STAU1: variants seen among roughly 807,000 people sequenced by gnomAD.
STAU1 encodes double-stranded RNA-binding protein Staufen homolog 1.
In STAU1, 13 loss-of-function variants were observed where a neutral mutation model predicts 62.9. The ratio of observed to expected loss-of-function variants is 0.21; its 90% CI spans 0.13 to 0.33. The LOEUF (loss-of-function observed/expected upper bound fraction) is 0.33. Among genes scored for constraint, STAU1 ranks in the 10% least tolerant of loss-of-function variants. The probability of loss-of-function intolerance (pLI) is 1.00; values close to 1 mark genes in which losing one functional copy is unlikely to be tolerated. For synonymous variants in STAU1, 269 were observed against 265.1 expected, an observed-to-expected ratio of 1.01 and a Z score of -0.14; for missense variants, 571 against 712.1, an observed-to-expected ratio of 0.80 and a Z score of 2.25.
Position 49,117,123 on chromosome 20 carries a change from T to C in STAU1, c.1632+3A>G, listed in dbSNP as rs773201601. 6.2e-7 allele frequency: 1 copy of C among 1,614,080 alleles called. No homozygotes were observed. Among genetic ancestry groups the C allele is most frequent in the South Asian group, 1.1e-5 (1 of 91,068 alleles). Reference sequence around the variant, plus strand: ...CCAATCCCTCACCCAAGGTGTGACGTACCATATCATGGCAGGACTCCACAT... The same window carrying C: ...CCAATCCCTCACCCAAGGTGTGACGCACCATATCATGGCAGGACTCCACAT... On this transcript the variant is annotated splice_donor_region_variant and intron_variant, in intron 12 of 13. Coordinates refer to ENST00000371856, the MANE Select transcript of STAU1 (RefSeq NM_017453.4). This position sits in a 1 kb window ranked among gnomAD's most constrained non-coding sequence, Gnocchi z 4.6.
At chr20:49,126,574 C>CAAAAAAAAAAAA (rs58056780) in intron 6 of STAU1, among the ~76,000 whole-genome samples, 31 of 24,834 alleles carry the variant, frequency 1.2e-3, no homozygotes, top group African/African-American at 1.6e-3. Context: ...TCTCAAAAAG[C>CAAAAAAAAAAAA]AAAAAAAAAA....
intron 1 of STAU1, among the ~76,000 whole-genome samples, chr20:49,183,193 T>A (rs1276371286): frequency 6.6e-6 from 1 of 152,136 alleles, no homozygotes; most frequent in Non-Finnish European, 1.5e-5. Context: ...CTGTTATAGG[T>A]CTAGTGTGAA....
At chr20:49,130,837 C>G (rs2092733067) in intron 6 of STAU1, among the ~76,000 whole-genome samples, 1 of 151,962 alleles carries the variant, frequency 6.6e-6, no homozygotes, top group Non-Finnish European at 1.5e-5. Flanking sequence ...ACTTGGGAGG[C>G]TGAGGCAGGA....
intron 5 of STAU1, among the ~76,000 whole-genome samples, chr20:49,138,078 T>G (rs969107639): frequency 6.6e-6 from 1 of 152,130 alleles, no homozygotes; most frequent in African/African-American, 2.4e-5. Context: ...TATGCCCAGT[T>G]TGAGACCAGC....
intron 1 of STAU1, among the ~76,000 whole-genome samples, chr20:49,174,478 G>A (rs1258577891): frequency 2.0e-5 from 3 of 152,168 alleles, no homozygotes; most frequent in Admixed American, 6.5e-5. Flanking sequence ...CCAACACTTT[G>A]GGAGGCCGAG....
rs1466364784 is a variant in STAU1, at chr20:49,113,611, G to A, written c.*1267C>T. 2.0e-5 allele frequency: 3 copies of A among 152,626 alleles called. No individual in the cohort carries two copies. Among genetic ancestry groups the A allele is most frequent in the Non-Finnish European group, 4.4e-5 (3 of 68,050 alleles). 9.5% of individuals were successfully genotyped at this position (152,626 alleles called of 1,614,324 possible). A position where few individuals can be genotyped will look rare whatever the true frequency, so the allele number is the denominator to read the frequency against. ...ATTCCAGCGTAAACAATGAATGGAA[G>A]CAGTACTTAACTCGCAGGGCTACCA... On this transcript the variant is annotated 3_prime_UTR_variant, in exon 14 of 14. Coordinates refer to ENST00000371856, the MANE Select transcript of STAU1 (RefSeq NM_017453.4).
At chr20:49,151,265 C>T (rs1342056586) in intron 5 of STAU1, among the ~76,000 whole-genome samples, 2 of 152,104 alleles carry the variant, frequency 1.3e-5, no homozygotes, top group African/African-American at 2.4e-5. Context: ...TCTTGAGCAC[C>T]GAAGACTTCA....
chr20:49,166,782 T>C (rs1000280744), intron 2 of STAU1, among the ~76,000 whole-genome samples: 4 of 152,128 alleles, frequency 2.6e-5, no homozygotes, highest in Non-Finnish European at 5.9e-5. Flanking sequence ...GGGCCTTAAG[T>C]TGACAGAAGG....
At chr20:49,123,321 A>G in intron 7 of STAU1, 86 bp from the exon 8 acceptor site, 2 of 1,594,108 alleles carry the variant, frequency 1.3e-6, no homozygotes, top group Non-Finnish European at 1.7e-6. Context: ...GAGAGGAGAT[A>G]AGAGATTTTG....
intron 6 of STAU1, among the ~76,000 whole-genome samples, chr20:49,125,287 G>C (rs2092582154): frequency 6.9e-6 from 1 of 144,726 alleles, no homozygotes; most frequent in Non-Finnish European, 1.5e-5. Context: ...CCAGCAATTT[G>C]GGAGACCAAA....
At chr20:49,129,630 CTTTT>C (rs558925613) in intron 6 of STAU1, among the ~76,000 whole-genome samples, 6 of 96,654 alleles carry the variant, frequency 6.2e-5, no homozygotes, top group Non-Finnish European at 7.9e-5. Flanking sequence ...AGTTTGGCAA[CTTTT>C]TTTTTTTTTT....
intron 3 of STAU1, chr20:49,158,342 C>A: frequency 1.1e-6 from 1 of 873,696 alleles, no homozygotes; most frequent in Non-Finnish European, 1.6e-6. Context: ...CTGAATATCA[C>A]TTTATCTCAC....
chr20:49,142,368 G>A (rs912363124), intron 5 of STAU1, among the ~76,000 whole-genome samples: 3 of 152,044 alleles, frequency 2.0e-5, no homozygotes, highest in Non-Finnish European at 2.9e-5. Context: ...AATTACAGGC[G>A]TGAGCCACCG....
the STAU1 span, among the ~76,000 whole-genome samples, chr20:49,195,209 G>A: frequency 1.3e-5 from 2 of 152,134 alleles, no homozygotes; most frequent in African/African-American, 2.4e-5. Flanking sequence ...ACTTTGAATA[G>A]CAGAATGATT....
chr20:49,168,696 G>C (rs919246835), intron 2 of STAU1, among the ~76,000 whole-genome samples: 8 of 152,166 alleles, frequency 5.3e-5, no homozygotes, highest in African/African-American at 1.7e-4. Context: ...CTAAGGTAGT[G>C]ATTCTCAAAA....
chr20:49,135,155 G>A (rs1342291169), intron 6 of STAU1: 2 of 736,940 alleles, frequency 2.7e-6, no homozygotes, highest in African/African-American at 1.8e-5. Context: ...TCTTGATCAA[G>A]AATTTGGGTG....
chr20:49,129,941 GTTAT>G (rs1425954684), intron 6 of STAU1, among the ~76,000 whole-genome samples: 4 of 151,950 alleles, frequency 2.6e-5, no homozygotes, highest in African/African-American at 4.8e-5. Flanking sequence ...TTCTTATAAA[GTTAT>G]TTATTTATCA....
Position 49,159,187 on chromosome 20 carries a change from T to C in STAU1, c.206-5116A>G, listed in dbSNP as rs1256781950. 3 of 1,065,720 alleles carry C rather than the reference T, an allele frequency of 2.8e-6. No individual in the cohort carries two copies. The African/African-American group carries it at 5.1e-5, about 18-fold the overall frequency. 66.0% of individuals were successfully genotyped at this position (1,065,720 alleles called of 1,614,324 possible). On this transcript the variant is annotated intron_variant, in intron 3 of 13. Transcript: ENST00000371856. Reference sequence around the variant, plus strand: ...CACACAAAGTTATTCTCGTGAACCGTCTTGCCTTTCTCTAGGACTTTCCCC... The same window carrying C: ...CACACAAAGTTATTCTCGTGAACCGCCTTGCCTTTCTCTAGGACTTTCCCC...
chr20:49,142,063 GAAC>G (rs71184265), intron 5 of STAU1, among the ~76,000 whole-genome samples: 145 of 150,482 alleles, frequency 9.6e-4, no homozygotes, highest in Middle Eastern at 3.4e-3. Flanking sequence ...ATCTCAACAA[GAAC>G]AACAACAACA....
Sources: gnomAD v4.1 joint callset for allele counts (sites outside exome capture counted in the v4.1 genomes callset) on GRCh38, gnomAD v4.1.1 for gene constraint, Gnocchi (gnomAD v3.1) non-coding constraint, MANE v1.5 for transcripts, NCBI Gene and HGNC (gene_info 2026-07-23, HGNC 2026-07-21) for gene names.